The following DNAH11 variants were observed in gnomAD, a reference collection of about 807,000 sequenced individuals.
DNAH11 encodes dynein axonemal heavy chain 11.
Under a neutral mutation model 526.0 loss-of-function variants are expected in DNAH11, and 442 were observed. That is an observed-to-expected ratio of 0.84 (90% CI 0.78 to 0.91). The LOEUF is 0.91. Among genes scored for constraint, DNAH11 ranks in the 40% least tolerant of loss-of-function variants. The pLI is 0.00. For synonymous variants in DNAH11, 2,461 were observed against 1,935.9 expected, an observed-to-expected ratio of 1.27 and a Z score of -7.12; for missense variants, 6,989 against 5,448.7, an observed-to-expected ratio of 1.28 and a Z score of -8.90.
rs6947863 is a variant in DNAH11 at position 21,552,148 on chromosome 7, G to A, written c.496-6654G>A. On this transcript the variant is annotated intron_variant, in intron 2 of 81. Coordinates refer to ENST00000409508, the MANE Select transcript of DNAH11 (RefSeq NM_001277115.2). Reference sequence around the variant, plus strand: ...TGAGCACCCCAAGGGCCGCGCCCTGGTCCATTGTCACATACACATGGAATG... The same window carrying A: ...TGAGCACCCCAAGGGCCGCGCCCTGATCCATTGTCACATACACATGGAATG... 1.4e-3 allele frequency among the ~76,000 whole-genome samples: 218 copies of A among 152,290 alleles called. 3 individuals carry two copies. The highest frequency in any genetic ancestry group is 5.1e-3 in the African/African-American group (213 of 41,584).
At chr7:21,698,561 A>G (rs1262029106) in intron 36 of DNAH11, among the ~76,000 whole-genome samples, 2 of 152,192 alleles carry the variant, frequency 1.3e-5, no homozygotes, top group East Asian at 1.9e-4. Context: ...AAGTGAGAAC[A>G]TACGATATTT....
intron 76 of DNAH11, among the ~76,000 whole-genome samples, chr7:21,888,058 A>G (rs1221659943): frequency 6.6e-6 from 1 of 152,178 alleles, no homozygotes; most frequent in African/African-American, 2.4e-5. Flanking sequence ...GGGAGACCAG[A>G]GTTCTGGTTC....
chr7:21,869,190 AGACT>A (rs1368296883), intron 73 of DNAH11, among the ~76,000 whole-genome samples, 199 bp downstream of exon 73: 1 of 152,176 alleles, frequency 6.6e-6, no homozygotes, highest in Non-Finnish European at 1.5e-5. Flanking sequence ...ATCTTCTGAG[AGACT>A]GTCTAGCCAT....
intron 6 of DNAH11, among the ~76,000 whole-genome samples, chr7:21,567,550 C>T (rs147031844): frequency 6.6e-6 from 1 of 152,200 alleles, no homozygotes; most frequent in Non-Finnish European, 1.5e-5. Flanking sequence ...AGAGATCTTG[C>T]TACAGTGCTT....
intron 68 of DNAH11, among the ~76,000 whole-genome samples, chr7:21,856,509 C>T (rs1782854469): frequency 6.6e-6 from 1 of 152,124 alleles, no homozygotes; most frequent in Non-Finnish European, 1.5e-5. Flanking sequence ...AATTCCAAAA[C>T]TACACTAAGG....
At chr7:21,787,631 G>A (rs374147282) in intron 60 of DNAH11, 48 bp downstream of exon 60, 14 of 1,468,158 alleles carry the variant, frequency 9.5e-6, no homozygotes, top group Non-Finnish European at 1.3e-5. Flanking sequence ...ACAAAGGGCT[G>A]CAAACACATC....
intron 56 of DNAH11, among the ~76,000 whole-genome samples, chr7:21,774,597 G>A: frequency 6.6e-6 from 1 of 152,072 alleles, no homozygotes; most frequent in East Asian, 1.9e-4. Flanking sequence ...TTATTTCGTT[G>A]TTAAAAAAGG....
At chr7:21,565,646 C>A (rs1783637265) in intron 6 of DNAH11, among the ~76,000 whole-genome samples, 1 of 152,176 alleles carries the variant, frequency 6.6e-6, no homozygotes, top group South Asian at 2.1e-4. Flanking sequence ...GGATTGAAAT[C>A]TAATTTTCTC....
chr7:21,676,421 C>T lies in DNAH11; in HGVS notation c.5329-5125C>T, dbSNP rs541393271. On this transcript the variant is annotated intron_variant, in intron 30 of 81. Transcript: ENST00000409508. ...ACTTATATACAAGTACAGTACTGAC[C>T]ATAATGATTGCTATCTCTTGCCACT... is the stretch of plus-strand genomic sequence containing the variant. 2.6e-5 allele frequency among the ~76,000 whole-genome samples: 4 copies of T among 152,220 alleles called. No homozygotes were observed. In the East Asian group the frequency reaches 7.7e-4, roughly 29 times the overall value.
intron 18 of DNAH11, among the ~76,000 whole-genome samples, chr7:21,602,497 C>A (rs540201070): frequency 6.6e-6 from 1 of 151,380 alleles, no homozygotes; most frequent in South Asian, 2.1e-4. Flanking sequence ...GAACTGAAAT[C>A]ATGAACCACA....
At chr7:21,763,913 T>C (rs1787049976) in intron 54 of DNAH11, among the ~76,000 whole-genome samples, 1 of 151,808 alleles carries the variant, frequency 6.6e-6, no homozygotes, top group Admixed American at 6.6e-5. Context: ...GAGGACATCA[T>C]GCTAAGTGAA....
intron 25 of DNAH11, among the ~76,000 whole-genome samples, chr7:21,627,115 G>GTTTTGT (rs1299714782): frequency 6.6e-6 from 1 of 152,036 alleles, no homozygotes; most frequent in African/African-American, 2.4e-5. Flanking sequence ...TTGGGGTTTT[G>GTTTTGT]TTTTGTTTTT....
chr7:21,815,648 G>A (rs1276021149), intron 63 of DNAH11, among the ~76,000 whole-genome samples: 1 of 152,088 alleles, frequency 6.6e-6, no homozygotes, highest in Admixed American at 6.6e-5. Context: ...GGCTAGCTAG[G>A]TTTTCATCCT....
At position 21,630,285 on chromosome 7, in the gene DNAH11, G is replaced by A. The variant is rs1240100827; in HGVS notation, c.4501-5586G>A. Among the ~76,000 whole-genome samples the A allele has an allele frequency of 2.0e-5, 3 of 151,776 alleles. No individual in the cohort carries two copies. In the East Asian group the frequency reaches 5.8e-4, roughly 29 times the overall value. ...TATATTGTCTATCTCTTAACCGTTT[G>A]CTGTAGCTATTGTTTTTGATAGATT... is the stretch of plus-strand genomic sequence containing the variant. On this transcript the variant is annotated intron_variant, in intron 25 of 81. Coordinates refer to ENST00000409508, the MANE Select transcript of DNAH11 (RefSeq NM_001277115.2).
intron 25 of DNAH11, among the ~76,000 whole-genome samples, chr7:21,625,699 CT>C (rs1431778502): frequency 2.6e-5 from 4 of 151,984 alleles, no homozygotes; most frequent in Non-Finnish European, 4.4e-5. Flanking sequence ...TGTTGTGTTT[CT>C]GTTTTCATTT....
intron 30 of DNAH11, among the ~76,000 whole-genome samples, chr7:21,670,394 G>A (rs1392287790): frequency 6.6e-6 from 1 of 151,994 alleles, no homozygotes; most frequent in East Asian, 1.9e-4. Flanking sequence ...TTGGGGCTTT[G>A]CTAAATTTAC....
chr7:21,708,772 T>A (rs1385608020), intron 40 of DNAH11, among the ~76,000 whole-genome samples: 1 of 152,224 alleles, frequency 6.6e-6, no homozygotes, highest in Non-Finnish European at 1.5e-5. Context: ...AACACTCTTC[T>A]GGATGCCCGC....
intron 66 of DNAH11, among the ~76,000 whole-genome samples, chr7:21,846,633 C>A (rs1216357652): frequency 6.6e-6 from 1 of 152,110 alleles, no homozygotes; most frequent in Non-Finnish European, 1.5e-5. Context: ...ATGTTCACAA[C>A]TATGCTCATC....
rs560018723 is a variant in DNAH11, at chr7:21,899,406, G to C, written c.13120G>C (p.Val4374Leu). Reference protein sequence around the residue: ...WTQDLTLPAVVWLSGFFNPQS... With the variant: ...WTQDLTLPAVLWLSGFFNPQS... ...ACAAGACCTTACCCTTCCGGCTGTCGTGTGGCTCTCCGGCTTCTTCAACCC... is the reference window on the plus strand; with the variant it reads ...ACAAGACCTTACCCTTCCGGCTGTCCTGTGGCTCTCCGGCTTCTTCAACCC... Residue 4374 changes from valine to leucine, a missense_variant, in exon 80 of 82, where the codon GTG becomes CTG. Coordinates refer to ENST00000409508, the MANE Select transcript of DNAH11 (RefSeq NM_001277115.2). 12 of 1,613,902 alleles carry C rather than the reference G, an allele frequency of 7.4e-6. No homozygotes were observed. The highest frequency in any genetic ancestry group is 1.3e-5 in the African/African-American group (1 of 75,034).
Sources: allele counts gnomAD v4.1 joint callset (sites outside exome capture counted in the v4.1 genomes callset), GRCh38; gene constraint gnomAD v4.1.1; transcripts MANE v1.5; gene names NCBI Gene and HGNC (gene_info 2026-07-23, HGNC 2026-07-21).